The following LUZP2 variants were observed in gnomAD, a reference collection of about 807,000 sequenced individuals.
The protein encoded by LUZP2 is leucine zipper protein 2.
LUZP2 carries 52 observed loss-of-function variants against 51.6 expected under a neutral mutation model. The ratio of observed to expected loss-of-function variants is 1.01; its 90% CI spans 0.81 to 1.27. LUZP2 has a LOEUF of 1.27. Ranked by LOEUF, LUZP2 falls within the 50% of genes most tolerant of loss-of-function variation. The pLI, the probability that LUZP2 is intolerant of heterozygous loss-of-function variation, is 0.00. For synonymous variants in LUZP2, 154 were observed against 137.3 expected, an observed-to-expected ratio of 1.12 and a Z score of -0.85; for missense variants, 436 against 395.4, an observed-to-expected ratio of 1.10 and a Z score of -0.87.
chr11:24,990,034 A>G (rs1170446661), intron 9 of LUZP2, among the ~76,000 whole-genome samples: 1 of 152,116 alleles, frequency 6.6e-6, no homozygotes, highest in African/African-American at 2.4e-5. Context: ...ATTGCCACAT[A>G]TTCTCTGATA....
chr11:24,715,682 G>A (rs1386302258), intron 1 of LUZP2, among the ~76,000 whole-genome samples: 1 of 152,028 alleles, frequency 6.6e-6, no homozygotes, highest in Non-Finnish European at 1.5e-5. Context: ...TAACTTGTTG[G>A]TGATTTCTTC....
chr11:24,785,534 T>C (rs1849220607), intron 5 of LUZP2, among the ~76,000 whole-genome samples: 1 of 151,954 alleles, frequency 6.6e-6, no homozygotes, highest in South Asian at 2.1e-4. Flanking sequence ...GACATATTTA[T>C]ATTGTCATTA....
chr11:24,675,271 T>C (rs1387216083), intron 1 of LUZP2, among the ~76,000 whole-genome samples: 2 of 152,226 alleles, frequency 1.3e-5, no homozygotes. Context: ...CAAACACATT[T>C]GGCATTTCTG....
At chr11:25,037,420 G>A (rs1039129085) in intron 9 of LUZP2, among the ~76,000 whole-genome samples, 1 of 152,004 alleles carries the variant, frequency 6.6e-6, no homozygotes, top group African/African-American at 2.4e-5. Context: ...CTGACACTCT[G>A]TATCTTTTAA....
At chr11:24,519,321 C>T (rs1205347447) in intron 1 of LUZP2, among the ~76,000 whole-genome samples, 1 of 152,060 alleles carries the variant, frequency 6.6e-6, no homozygotes, top group Non-Finnish European at 1.5e-5. Flanking sequence ...TTTGGAGACT[C>T]CTGTACTTGA....
chr11:24,690,286 A>T (rs1565078800), intron 1 of LUZP2, among the ~76,000 whole-genome samples: 1 of 152,138 alleles, frequency 6.6e-6, no homozygotes, highest in African/African-American at 2.4e-5. Flanking sequence ...TCAAGGTAAG[A>T]AGGCTTTTAA....
chr11:24,839,924 C>T (rs1850974290), intron 5 of LUZP2, among the ~76,000 whole-genome samples: 1 of 151,502 alleles, frequency 6.6e-6, no homozygotes, highest in African/African-American at 2.4e-5. Context: ...TAAGTAATAC[C>T]CTAACATTTC....
intron 1 of LUZP2, among the ~76,000 whole-genome samples, chr11:24,726,291 A>G (rs1169615161): frequency 1.3e-5 from 2 of 152,100 alleles, no homozygotes; most frequent in Middle Eastern, 3.2e-3. Context: ...TCTTTTAAGA[A>G]AAAGGGAGAT....
intron 1 of LUZP2, among the ~76,000 whole-genome samples, chr11:24,717,646 A>T (rs997554472): frequency 6.6e-6 from 1 of 150,908 alleles, no homozygotes; most frequent in Non-Finnish European, 1.5e-5. Context: ...CGATCTCCTG[A>T]CCTCGTGATC....
intron 1 of LUZP2, among the ~76,000 whole-genome samples, chr11:24,691,998 A>G (rs976580926): frequency 2.6e-5 from 4 of 152,074 alleles, no homozygotes; most frequent in Admixed American, 2.0e-4. Context: ...AAAACTAACT[A>G]AAATATTATA....
At chr11:24,596,005 G>C (rs939561255) in intron 1 of LUZP2, among the ~76,000 whole-genome samples, 1 of 152,096 alleles carries the variant, frequency 6.6e-6, no homozygotes, top group South Asian at 2.1e-4. Context: ...GAAGTGTTAC[G>C]CATACCTCCT....
At chr11:24,816,025 CTT>C (rs2030028048) in intron 5 of LUZP2, among the ~76,000 whole-genome samples, 1 of 144,304 alleles carries the variant, frequency 6.9e-6, no homozygotes, top group African/African-American at 2.6e-5. Flanking sequence ...AAAAAAAAGA[CTT>C]TTATCACCCG....
chr11:25,074,922 T>C (rs1331948900), intron 10 of LUZP2, among the ~76,000 whole-genome samples: 1 of 152,120 alleles, frequency 6.6e-6, no homozygotes, highest in East Asian at 1.9e-4. Flanking sequence ...AATCAATTTT[T>C]CCCTAAACTT....
chr11:24,944,502 T>C lies in LUZP2; in HGVS notation c.522+29964T>C, dbSNP rs374691296. 3.8e-3 allele frequency among the ~76,000 whole-genome samples: 583 copies of C among 152,276 alleles called. 1 individual carries two copies. Among genetic ancestry groups the C allele is most frequent in the Non-Finnish European group, 6.5e-3 (439 of 68,010 alleles). On this transcript the variant is annotated intron_variant, in intron 7 of 11. Coordinates refer to ENST00000336930, the MANE Select transcript of LUZP2 (RefSeq NM_001009909.4). ...CAGAGAGAAAGAGAGACTGGAAATA[T>C]GTGTGAGAATTGATATCCAGTAGAG...
At chr11:24,505,486 A>G (rs1356829305) in intron 1 of LUZP2, among the ~76,000 whole-genome samples, 2 of 152,190 alleles carry the variant, frequency 1.3e-5, no homozygotes, top group South Asian at 2.1e-4. Flanking sequence ...AAGCTAATGT[A>G]TAAAGAATAG....
intron 7 of LUZP2, among the ~76,000 whole-genome samples, chr11:24,938,477 T>C (rs1417633629): frequency 6.6e-6 from 1 of 152,220 alleles, no homozygotes; most frequent in African/African-American, 2.4e-5. Flanking sequence ...TTTTATACTT[T>C]GTTCTATCTT....
At chr11:24,686,200 T>G (rs909666303) in intron 1 of LUZP2, among the ~76,000 whole-genome samples, 1 of 139,438 alleles carries the variant, frequency 7.2e-6, no homozygotes, top group African/African-American at 2.7e-5. Flanking sequence ...TTTGATAGAA[T>G]TTGAAGGAAA....
chr11:24,956,378 T>G (rs890492392), intron 7 of LUZP2, among the ~76,000 whole-genome samples: 18 of 152,066 alleles, frequency 1.2e-4, no homozygotes, highest in African/African-American at 3.6e-4. Context: ...ATATTTTGGA[T>G]TTCTTATTTC....
chr11:24,948,629 T>G (rs1417604775), intron 7 of LUZP2, among the ~76,000 whole-genome samples: 1 of 151,778 alleles, frequency 6.6e-6, no homozygotes, highest in Non-Finnish European at 1.5e-5. Context: ...CAAGAAACAC[T>G]TCTTAATCCT....
Sources: gnomAD v4.1 joint callset for allele counts (sites outside exome capture counted in the v4.1 genomes callset) on GRCh38, gnomAD v4.1.1 for gene constraint, MANE v1.5 for transcripts, NCBI Gene and HGNC (gene_info 2026-07-23, HGNC 2026-07-21) for gene names.